MEGF10: variants seen among roughly 807,000 people sequenced by gnomAD.
MEGF10 encodes multiple epidermal growth factor-like domains protein 10.
In MEGF10, 86 loss-of-function variants were observed where a neutral mutation model predicts 147.5. The observed-to-expected ratio is 0.58, with a 90% CI of 0.49 to 0.70. The LOEUF (loss-of-function observed/expected upper bound fraction) is 0.70, where lower values mean the gene tolerates loss of function less well. Among genes scored for constraint, MEGF10 ranks in the 30% least tolerant of loss-of-function variants. The probability of loss-of-function intolerance (pLI) is 0.00; values close to 1 mark genes in which losing one functional copy is unlikely to be tolerated. For missense variants in MEGF10, 1,329 were observed against 1,487.3 expected (o/e 0.89, Z 1.75); for synonymous variants, 478 against 525.5 (o/e 0.91, Z 1.24).
In MEGF10 at chr5:127,397,754, G is replaced by A. The variant is rs570024352; in HGVS notation, c.660-922G>A. Among the ~76,000 whole-genome samples, 12 of 152,256 alleles carry A rather than the reference G, an allele frequency of 7.9e-5. No individual in the cohort carries two copies. In the South Asian group the frequency reaches 2.1e-3, roughly 26 times the overall value. On this transcript the variant is annotated intron_variant, in intron 6 of 24. Transcript: ENST00000503335. ...TTCATCAAGACCACAATTGAACTGG[G>A]CTGTGGGAAACTTGGAGCAATTTCC...
intron 8 of MEGF10, among the ~76,000 whole-genome samples, chr5:127,403,995 T>G (rs1238299129): frequency 6.6e-6 from 1 of 152,144 alleles, no homozygotes; most frequent in Non-Finnish European, 1.5e-5. Flanking sequence ...AGCTCAATTT[T>G]TAGTTTTTTG....
chr5:127,309,727 T>C (rs1760177721), intron 1 of MEGF10, among the ~76,000 whole-genome samples: 1 of 152,188 alleles, frequency 6.6e-6, no homozygotes, highest in Non-Finnish European at 1.5e-5. Context: ...TTTTGAGTAT[T>C]GTGAATAGTG....
chr5:127,312,933 GTCTT>G (rs1760358175), intron 1 of MEGF10, among the ~76,000 whole-genome samples: 1 of 152,104 alleles, frequency 6.6e-6, no homozygotes, highest in Admixed American at 6.5e-5. Flanking sequence ...GAAAAGGTCT[GTCTT>G]TGATTGTGGC....
chr5:127,419,078 G>T, intron 10 of MEGF10, 42 bp from the exon 11 acceptor site: 2 of 1,574,530 alleles, frequency 1.3e-6, no homozygotes, highest in South Asian at 1.2e-5. Context: ...CCTTATTTCA[G>T]TTGGCAAAAT....
In MEGF10 at chr5:127,457,191, A is replaced by G. The variant is rs1766394920; in HGVS notation, c.3296A>G (p.Tyr1099Cys). ...SNNGRLSQDP[Y>C]DLPKNSHIPC... ...AATGGGCGTCTCTCCCAGGATCCATATGACCTCCCAAAGAACAGTCACATC... is the reference window on the plus strand; with the variant it reads ...AATGGGCGTCTCTCCCAGGATCCATGTGACCTCCCAAAGAACAGTCACATC... Residue 1099 changes from tyrosine (Y) to cysteine (C), a missense_variant, in exon 25 of 25, where the codon TAT (tyrosine) becomes TGT (cysteine). This residue lies in a region of MEGF10 where 343 missense variants were observed against 377.9 expected (regional missense o/e 0.91). Transcript: ENST00000503335. 2 of 1,614,144 alleles carry G rather than the reference A, an allele frequency of 1.2e-6. No individual in the cohort carries two copies. Among genetic ancestry groups the G allele is most frequent in the Non-Finnish European group, 1.7e-6 (2 of 1,180,010 alleles).
Position 127,317,598 on chromosome 5 carries a change from C to T in MEGF10, c.-18-13693C>T, listed in dbSNP as rs142929713. 2.6e-3 allele frequency among the ~76,000 whole-genome samples: 394 copies of T among 152,222 alleles called. 3 individuals carry two copies. Among genetic ancestry groups the T allele is most frequent in the Middle Eastern group, 0.024 (7 of 294 alleles). ...AAAAAGGATGAGTTCATGTGCTTTG[C>T]AGGGACATGGATGAAGCTGGAAACC... is the stretch of plus-strand genomic sequence containing the variant. On this transcript the variant is annotated intron_variant, in intron 1 of 24. Transcript: ENST00000503335.
chr5:127,418,179 G>C (rs1764850110), intron 10 of MEGF10, among the ~76,000 whole-genome samples: 1 of 152,146 alleles, frequency 6.6e-6, no homozygotes, highest in African/African-American at 2.4e-5. Flanking sequence ...CACAAAATTT[G>C]AAGACACATC....
intron 1 of MEGF10, among the ~76,000 whole-genome samples, chr5:127,310,478 A>G (rs569792168): frequency 5.9e-5 from 9 of 152,160 alleles, no homozygotes; most frequent in Non-Finnish European, 1.2e-4. Context: ...TCCAAGAATC[A>G]TTGCCAATTG....
At chr5:127,455,193 G>C (rs948108701) in intron 23 of MEGF10, among the ~76,000 whole-genome samples, 11 of 152,186 alleles carry the variant, frequency 7.2e-5, no homozygotes, top group African/African-American at 2.7e-4. Context: ...ATTGATGTCA[G>C]TACTCATCTT....
chr5:127,455,511 T>C lies in MEGF10; in HGVS notation c.3136T>C (p.Cys1046Arg). 1 of 1,613,870 alleles carries C rather than the reference T, an allele frequency of 6.2e-7. No homozygotes were observed. Among genetic ancestry groups the C allele is most frequent in the Non-Finnish European group, 8.5e-7 (1 of 1,179,970 alleles). ...TGTACTTATCCCGAAAAGCTCAGAG[T>C]GTGGTTATGTGGAGATGAAATCGCC... ...PPVLIPKSSE[C>R]GYVEMKSPAR... Residue 1046 changes from cysteine (C) to arginine (R), a missense_variant, in exon 24 of 25, where the codon TGT becomes CGT. Coordinates refer to ENST00000503335, the MANE Select transcript of MEGF10 (RefSeq NM_001256545.2).
chr5:127,438,355 G>A, intron 16 of MEGF10, 84 bp from the exon 17 acceptor site: 1 of 1,435,424 alleles, frequency 7.0e-7, no homozygotes. Context: ...CACATGCAGG[G>A]AGATGTGTAG....
chr5:127,313,719 C>T (rs956242380), intron 1 of MEGF10, among the ~76,000 whole-genome samples: 6 of 152,302 alleles, frequency 3.9e-5, no homozygotes, highest in Admixed American at 6.5e-5. Flanking sequence ...GATTTTGCCA[C>T]ATTAAAATTT....
rs2127052004 is a variant in MEGF10, at chr5:127,458,585, A to T, written c.*1267A>T. On this transcript the variant is annotated 3_prime_UTR_variant, in exon 25 of 25. Transcript: ENST00000503335. Reference sequence around the variant, plus strand: ...AATGCGTTGTTCTTTTTTCTTTTGGAGGGACAAGATGAAAATATATAATTT... The same window carrying T: ...AATGCGTTGTTCTTTTTTCTTTTGGTGGGACAAGATGAAAATATATAATTT... 6.6e-6 allele frequency: 1 copy of T among 152,146 alleles called. No homozygotes were observed. Among genetic ancestry groups the T allele is most frequent in the South Asian group, 2.1e-4 (1 of 4,816 alleles). The allele number at this position is 152,146 out of a possible 1,614,324, so 9.4% of individuals were successfully genotyped here.
Position 127,356,303 on chromosome 5 carries a change from C to T in MEGF10, c.320-13607C>T, listed in dbSNP as rs377731310. Among the ~76,000 whole-genome samples, 11 of 152,248 alleles carry T rather than the reference C, an allele frequency of 7.2e-5. 1 individual carries two copies. The highest frequency in any genetic ancestry group is 5.2e-4 in the Admixed American group (8 of 15,300). ...ATGCTAAAGGAGGGAGAGATTGATG[C>T]GCTGGTAGAATCAATGCTGCACTGA... On this transcript the variant is annotated intron_variant, in intron 4 of 24. Transcript: ENST00000503335.
At chr5:127,449,293 G>T in intron 22 of MEGF10, 71 bp downstream of exon 22, 1 of 1,586,256 alleles carries the variant, frequency 6.3e-7, no homozygotes. Flanking sequence ...ACGGATCTCT[G>T]TTTGTGCCAA....
chr5:127,345,758 CTTTA>C (rs1482516894), intron 4 of MEGF10, among the ~76,000 whole-genome samples: 2 of 152,018 alleles, frequency 1.3e-5, no homozygotes, highest in African/African-American at 4.8e-5. Flanking sequence ...TCAATAAGTT[CTTTA>C]TTGGCGAATT....
chr5:127,365,565 T>C lies in MEGF10; in HGVS notation c.320-4345T>C, dbSNP rs77630453. Among the ~76,000 whole-genome samples the C allele has an allele frequency of 8.7e-3, 1,332 of 152,342 alleles. 19 individuals carry two copies. Among genetic ancestry groups the C allele is most frequent in the African/African-American group, 0.03 (1,249 of 41,574 alleles). ...CCACCTGTCCATCAGGCAGACAGACTGTCCACAGCTTTCATTTCAAAGACA... is the reference window on the plus strand; with the variant it reads ...CCACCTGTCCATCAGGCAGACAGACCGTCCACAGCTTTCATTTCAAAGACA... On this transcript the variant is annotated intron_variant, in intron 4 of 24. Coordinates refer to ENST00000503335, the MANE Select transcript of MEGF10 (RefSeq NM_001256545.2).
chr5:127,342,500 C>G lies in MEGF10; in HGVS notation c.319+1870C>G, dbSNP rs554231352. On this transcript the variant is annotated intron_variant, in intron 4 of 24. Coordinates refer to ENST00000503335, the MANE Select transcript of MEGF10 (RefSeq NM_001256545.2). ...GGCCATACCTTCTCTCCCTGAAGGC[C>G]TGGCATGTGGGATGCTAGATTTCAC... Among the ~76,000 whole-genome samples, 4 of 152,232 alleles carry G rather than the reference C, an allele frequency of 2.6e-5. No homozygotes were observed. In the East Asian group the frequency reaches 7.7e-4, roughly 29 times the overall value.
intron 17 of MEGF10, among the ~76,000 whole-genome samples, chr5:127,440,212 G>T (rs1487127438): frequency 6.6e-6 from 1 of 152,112 alleles, no homozygotes; most frequent in African/African-American, 2.4e-5. Flanking sequence ...AAGTACAATT[G>T]TTTTTTAAGG....
Sources: allele counts gnomAD v4.1 joint callset (sites outside exome capture counted in the v4.1 genomes callset), GRCh38; gene constraint gnomAD v4.1.1; regional missense constraint gnomAD v4.1.1; transcripts MANE v1.5; gene names NCBI Gene and HGNC (gene_info 2026-07-23, HGNC 2026-07-21).